SLC24A3: variants seen among roughly 807,000 people sequenced by gnomAD.
The protein encoded by SLC24A3 is sodium/potassium/calcium exchanger 3.
Under a neutral mutation model 75.8 loss-of-function variants are expected in SLC24A3, and 28 were observed. The observed-to-expected ratio is 0.37, with a 90% confidence interval of 0.27 to 0.51. The LOEUF is 0.51. SLC24A3 is among the 20% of genes least tolerant of loss of function. The pLI is 0.94. For missense variants in SLC24A3, 663 were observed against 847.8 expected (o/e 0.78, Z 2.71); for synonymous variants, 372 against 334.1 (o/e 1.11, Z -1.24).
intron 1 of SLC24A3, among the ~76,000 whole-genome samples, chr20:19,219,129 G>C (rs980267469): frequency 1.3e-5 from 2 of 152,140 alleles, no homozygotes; most frequent in African/African-American, 4.8e-5. Context: ...AGAAGGTTTT[G>C]TATGAACCAA....
In SLC24A3 at chr20:19,646,036, C is replaced by T. The variant is rs113791938; in HGVS notation, c.613-8026C>T. Among the ~76,000 whole-genome samples the T allele has an allele frequency of 9.3e-3, 1,421 of 152,176 alleles. 25 individuals carry two copies. Among genetic ancestry groups the T allele is most frequent in the African/African-American group, 0.033 (1,356 of 41,522 alleles). On this transcript the variant is annotated intron_variant, in intron 6 of 16. Coordinates refer to ENST00000328041, the MANE Select transcript of SLC24A3 (RefSeq NM_020689.4). ...CACCACTGCACTCCAGCCTGGGCAA[C>T]GAGAGTAAGGCCCTGTCTCAAAAAA...
chr20:19,358,755 C>T (rs1435054472), intron 2 of SLC24A3, among the ~76,000 whole-genome samples: 5 of 152,292 alleles, frequency 3.3e-5, no homozygotes, highest in East Asian at 3.9e-4. Flanking sequence ...ATTCTGTATC[C>T]GTTAGCAGTC....
chr20:19,708,987 C>T (rs1420500758), intron 15 of SLC24A3, among the ~76,000 whole-genome samples: 2 of 152,078 alleles, frequency 1.3e-5, no homozygotes, highest in Non-Finnish European at 2.9e-5. Context: ...GAGGAGGATC[C>T]AGGGTGAAGA....
chr20:19,637,398 C>G (rs1176219149), intron 6 of SLC24A3, among the ~76,000 whole-genome samples: 1 of 152,098 alleles, frequency 6.6e-6, no homozygotes, highest in African/African-American at 2.4e-5. Context: ...ATGGTGATGA[C>G]CAAAATAGAG....
At chr20:19,352,581 C>G (rs1985595878) in intron 2 of SLC24A3, among the ~76,000 whole-genome samples, 3 of 152,182 alleles carry the variant, frequency 2.0e-5, no homozygotes, top group Admixed American at 6.5e-5. Context: ...GATTCAGGAA[C>G]TTCCTAAGGT....
chr20:19,453,212 G>T (rs59293878), intron 2 of SLC24A3, among the ~76,000 whole-genome samples: 3,091 of 152,140 alleles, frequency 0.02, 116 homozygotes, highest in African/African-American at 0.07. Flanking sequence ...TTAGCCAGTT[G>T]TGATGGTACA....
intron 2 of SLC24A3, among the ~76,000 whole-genome samples, chr20:19,467,605 G>C (rs1987788193): frequency 6.6e-6 from 1 of 152,166 alleles, no homozygotes; most frequent in African/African-American, 2.4e-5. Context: ...TTGAGGCTAG[G>C]CATGGTGGCT....
chr20:19,328,380 G>A (rs1984919463), intron 2 of SLC24A3, among the ~76,000 whole-genome samples: 1 of 152,154 alleles, frequency 6.6e-6, no homozygotes, highest in Non-Finnish European at 1.5e-5. Context: ...CCAGAATGTT[G>A]GATTGATAAT....
chr20:19,602,067 G>C (rs925783670), intron 6 of SLC24A3, among the ~76,000 whole-genome samples: 1 of 152,020 alleles, frequency 6.6e-6, no homozygotes, highest in Admixed American at 6.5e-5. Context: ...CCAGCAACTT[G>C]GGAGGCTGAG....
intron 1 of SLC24A3, among the ~76,000 whole-genome samples, chr20:19,241,318 G>T (rs1312446617): frequency 6.6e-6 from 1 of 152,208 alleles, no homozygotes; most frequent in Admixed American, 6.5e-5. Flanking sequence ...CATGTGCTTT[G>T]AGGCCCCAGG....
At position 19,662,837 on chromosome 20, in the gene SLC24A3, C is replaced by T. The variant is rs1388904138; in HGVS notation, c.688-3027C>T. ...TTCAGCAAACTCAAGTGAAAGGAAC[C>T]TCATCCTTGCCGTTTGTAGAGTTTT... On this transcript the variant is annotated intron_variant, in intron 7 of 16. Transcript: ENST00000328041. Among the ~76,000 whole-genome samples the T allele has an allele frequency of 2.6e-5, 4 of 152,116 alleles. No individual in the cohort carries two copies. The East Asian group carries it at 7.7e-4, about 29-fold the overall frequency.
intron 15 of SLC24A3, among the ~76,000 whole-genome samples, chr20:19,713,998 G>T (rs1477066342): frequency 6.6e-6 from 1 of 152,190 alleles, no homozygotes; most frequent in Non-Finnish European, 1.5e-5. Context: ...TTTAAGCCCT[G>T]TGGATCATGC....
intron 6 of SLC24A3, among the ~76,000 whole-genome samples, chr20:19,634,555 C>T (rs1344195306): frequency 1.3e-5 from 2 of 151,074 alleles, no homozygotes; most frequent in East Asian, 3.9e-4. Context: ...ATGAACAAAT[C>T]TAATAGTGCT....
intron 6 of SLC24A3, among the ~76,000 whole-genome samples, chr20:19,620,227 G>A (rs979542966): frequency 7.9e-5 from 12 of 152,296 alleles, no homozygotes; most frequent in Non-Finnish European, 1.3e-4. Context: ...GCAGCTTCCA[G>A]CATGTTAGAA....
chr20:19,671,636 GT>G (rs113299391), intron 8 of SLC24A3, among the ~76,000 whole-genome samples: 12 of 145,474 alleles, frequency 8.2e-5, no homozygotes, highest in Admixed American at 4.8e-4. Flanking sequence ...CCCAGGGTTG[GT>G]TTTTTTTTTG....
At chr20:19,247,840 G>T (rs377347378) in intron 1 of SLC24A3, among the ~76,000 whole-genome samples, 15 of 152,160 alleles carry the variant, frequency 9.9e-5, no homozygotes, top group African/African-American at 3.6e-4. Flanking sequence ...TTGCTTTTTA[G>T]ATGTTTTATA....
intron 2 of SLC24A3, among the ~76,000 whole-genome samples, chr20:19,404,112 T>A (rs913485356): frequency 1.2e-4 from 18 of 152,328 alleles, no homozygotes; most frequent in African/African-American, 3.8e-4. Flanking sequence ...TGCAAAGCAA[T>A]AATTCTGAAC....
intron 1 of SLC24A3, among the ~76,000 whole-genome samples, chr20:19,217,569 A>G: frequency 6.6e-6 from 1 of 152,150 alleles, no homozygotes; most frequent in East Asian, 1.9e-4. Context: ...TGCAGTGGGT[A>G]TTTGAACTGC....
At chr20:19,529,295 A>G (rs908525390) in intron 3 of SLC24A3, among the ~76,000 whole-genome samples, 2 of 152,164 alleles carry the variant, frequency 1.3e-5, no homozygotes, top group African/African-American at 4.8e-5. Context: ...TGGAGCTATG[A>G]GGTTTTAGAA....
Sources: allele counts gnomAD v4.1 joint callset (sites outside exome capture counted in the v4.1 genomes callset), GRCh38; gene constraint gnomAD v4.1.1; transcripts MANE v1.5; gene names NCBI Gene and HGNC (gene_info 2026-07-23, HGNC 2026-07-21).